The following CDH13 variants were observed in gnomAD, a reference collection of about 807,000 sequenced individuals.
The protein encoded by CDH13 is cadherin-13.
A neutral mutation model predicts 63.8 loss-of-function variants in CDH13; 24 were observed. That is an observed-to-expected ratio of 0.38 (90% CI 0.27 to 0.53). The LOEUF is 0.53. CDH13 is among the 20% of genes least tolerant of loss of function. CDH13 has a pLI of 0.85. For synonymous variants in CDH13, 503 were observed against 355.3 expected, an observed-to-expected ratio of 1.42 and a Z score of -4.67; for missense variants, 1,049 against 903.1, an observed-to-expected ratio of 1.16 and a Z score of -2.07.
At chr16:83,524,179 A>G (rs1301632441) in intron 7 of CDH13, among the ~76,000 whole-genome samples, 1 of 152,216 alleles carries the variant, frequency 6.6e-6, no homozygotes, top group Non-Finnish European at 1.5e-5. Flanking sequence ...TTGCACGACA[A>G]CCAAGAGAAT....
chr16:83,465,407 T>G (rs1803959969), intron 6 of CDH13, among the ~76,000 whole-genome samples: 1 of 151,956 alleles, frequency 6.6e-6, no homozygotes, highest in South Asian at 2.1e-4. Context: ...GAGTTTGGAG[T>G]TGGAATAGCT....
intron 4 of CDH13, among the ~76,000 whole-genome samples, chr16:83,147,457 C>T (rs2036798768): frequency 6.6e-6 from 1 of 152,150 alleles, no homozygotes; most frequent in Admixed American, 6.5e-5. Flanking sequence ...TTCCAAGCTT[C>T]TCTGTGTGAC....
At chr16:83,145,582 G>T (rs1261900449) in intron 4 of CDH13, among the ~76,000 whole-genome samples, 4 of 152,182 alleles carry the variant, frequency 2.6e-5, no homozygotes, top group Non-Finnish European at 4.4e-5. Context: ...CCATCATTCA[G>T]GGTCCCACTT....
In CDH13 at chr16:83,295,831, A is replaced by C. The variant is rs543524576; in HGVS notation, c.637-49031A>C. ...TCTCACTAGGGTTATATATCCAAAG[A>C]AAATAACATCAATATGTCAAAGAGA... On this transcript the variant is annotated intron_variant, in intron 5 of 13. Transcript: ENST00000567109. Among the ~76,000 whole-genome samples the C allele has an allele frequency of 9.4e-4, 143 of 152,292 alleles. No individual in the cohort carries two copies. The Middle Eastern group carries it at 0.017, about 18-fold the overall frequency.
At chr16:83,285,254 T>A (rs533061161) in intron 5 of CDH13, among the ~76,000 whole-genome samples, 43 of 152,326 alleles carry the variant, frequency 2.8e-4, no homozygotes, top group African/African-American at 1.0e-3. Flanking sequence ...ATGTAGTTTT[T>A]TCTGGGCTCA....
chr16:83,098,717 C>T (rs931661004), intron 3 of CDH13, among the ~76,000 whole-genome samples: 1 of 152,206 alleles, frequency 6.6e-6, no homozygotes, highest in Non-Finnish European at 1.5e-5. Context: ...AACAAGACAT[C>T]TGCTGTCATT....
intron 2 of CDH13, among the ~76,000 whole-genome samples, chr16:82,969,812 C>G (rs1036331141): frequency 1.3e-5 from 2 of 152,142 alleles, no homozygotes; most frequent in Non-Finnish European, 2.9e-5. Flanking sequence ...AATGGACTGC[C>G]ACAGCCAAAA....
intron 4 of CDH13, among the ~76,000 whole-genome samples, chr16:83,163,112 T>C (rs2037516039): frequency 6.6e-6 from 1 of 152,152 alleles, no homozygotes; most frequent in African/African-American, 2.4e-5. Flanking sequence ...AGAATTTCCC[T>C]GCACAAGTTC....
intron 2 of CDH13, among the ~76,000 whole-genome samples, chr16:82,915,509 C>T (rs1026185431): frequency 6.6e-6 from 1 of 152,164 alleles, no homozygotes; most frequent in Non-Finnish European, 1.5e-5. Context: ...GTTTTAGCCT[C>T]TGCTGAAATA....
At chr16:82,901,440 A>G (rs1452236967) in intron 2 of CDH13, among the ~76,000 whole-genome samples, 1 of 151,050 alleles carries the variant, frequency 6.6e-6, no homozygotes, top group Non-Finnish European at 1.5e-5. Flanking sequence ...CATCTAGGAG[A>G]CCTGACAAAG....
At chr16:83,560,389 G>A (rs2075682518) in intron 7 of CDH13, among the ~76,000 whole-genome samples, 1 of 152,176 alleles carries the variant, frequency 6.6e-6, no homozygotes, top group African/African-American at 2.4e-5. Flanking sequence ...GATGAACCTG[G>A]AGGATGTTAT....
intron 1 of CDH13, chr16:82,719,363 C>G (rs1159910914): frequency 1.1e-5 from 5 of 455,708 alleles, no homozygotes; most frequent in Non-Finnish European, 2.2e-5. Flanking sequence ...TCTTTGGAGT[C>G]AGGTGGTCCT....
At chr16:82,698,102 A>G (rs1286365201) in intron 1 of CDH13, among the ~76,000 whole-genome samples, 1 of 152,228 alleles carries the variant, frequency 6.6e-6, no homozygotes, top group Non-Finnish European at 1.5e-5. Context: ...TTTAACTTGG[A>G]CAGGCAGGTT....
chr16:83,257,845 C>G (rs1906481423), intron 5 of CDH13, among the ~76,000 whole-genome samples: 1 of 152,212 alleles, frequency 6.6e-6, no homozygotes. Context: ...AATCGCCATA[C>G]TATCTTCCAC....
At chr16:82,840,185 C>T (rs560688361) in intron 1 of CDH13, among the ~76,000 whole-genome samples, 61 of 152,154 alleles carry the variant, frequency 4.0e-4, no homozygotes, top group Admixed American at 1.5e-3. Context: ...TATTCAGATA[C>T]ACCGATTTTG....
intron 7 of CDH13, among the ~76,000 whole-genome samples, chr16:83,541,276 T>A (rs978517559): frequency 1.3e-5 from 2 of 152,228 alleles, no homozygotes; most frequent in African/African-American, 4.8e-5. Context: ...ATTGAGGCAT[T>A]GAAAATCTAA....
At chr16:83,607,713 T>C (rs1190297973) in intron 8 of CDH13, among the ~76,000 whole-genome samples, 1 of 152,238 alleles carries the variant, frequency 6.6e-6, no homozygotes, top group Admixed American at 6.5e-5. Flanking sequence ...AGTTTTTCTC[T>C]GTGGAGAGTT....
At chr16:82,659,233 C>T (rs1465898937) in intron 1 of CDH13, among the ~76,000 whole-genome samples, 1 of 152,256 alleles carries the variant, frequency 6.6e-6, no homozygotes, top group Non-Finnish European at 1.5e-5. Flanking sequence ...CTATTCCTCT[C>T]TCCCTTCATT....
At chr16:82,816,990 C>T (rs2037750257) in intron 1 of CDH13, among the ~76,000 whole-genome samples, 1 of 152,002 alleles carries the variant, frequency 6.6e-6, no homozygotes, top group Admixed American at 6.5e-5. Flanking sequence ...CAGGGTCTCC[C>T]TTAGGAAAGG....
Sources: allele counts gnomAD v4.1 joint callset (sites outside exome capture counted in the v4.1 genomes callset), GRCh38; gene constraint gnomAD v4.1.1; transcripts MANE v1.5; gene names NCBI Gene and HGNC (gene_info 2026-07-23, HGNC 2026-07-21).